Variants in RNF152 observed in about 807,000 individuals in gnomAD.
RNF152 encodes ring finger protein 152.
Under a neutral mutation model 12.7 loss-of-function variants are expected in RNF152, and 11 were observed. The ratio of observed to expected loss-of-function variants is 0.86; its 90% CI spans 0.54 to 1.43. RNF152 has a LOEUF of 1.43. RNF152 is among the 40% of genes most tolerant of loss of function. The pLI is 0.00. For missense variants in RNF152, 255 were observed against 274.8 expected (o/e 0.93, Z 0.51); for synonymous variants, 113 against 120.3 (o/e 0.94, Z 0.40).
intron 1 of RNF152, among the ~76,000 whole-genome samples, chr18:61,869,200 T>G (rs2144733044): frequency 6.6e-6 from 1 of 152,196 alleles, no homozygotes; most frequent in Admixed American, 6.5e-5. Context: ...ATTAGTAAAA[T>G]CCAAAGAAAT....
intron 1 of RNF152, among the ~76,000 whole-genome samples, chr18:61,827,632 C>T (rs905434649): frequency 6.6e-6 from 1 of 152,160 alleles, no homozygotes; most frequent in East Asian, 1.9e-4. Flanking sequence ...GAAAGCCATT[C>T]ATAACATTAT....
chr18:61,816,607 G>A lies in RNF152; in HGVS notation c.-135-9C>T. 1.3e-6 allele frequency: 1 copy of A among 765,172 alleles called. No individual in the cohort carries two copies. Among genetic ancestry groups the A allele is most frequent in the Non-Finnish European group, 2.1e-6 (1 of 467,014 alleles). 47.4% of individuals were successfully genotyped at this position (765,172 alleles called of 1,614,324 possible). ...CACAGGTGTGTTCATTTCTGAGAGA[G>A]ACAAATAATGCAAACAATCTTAATT... On this transcript the variant is annotated splice_polypyrimidine_tract_variant and intron_variant, in intron 1 of 1. Coordinates refer to ENST00000312828, the MANE Select transcript of RNF152 (RefSeq NM_173557.3).
intron 1 of RNF152, among the ~76,000 whole-genome samples, chr18:61,821,967 T>TTGGGGACTGCTGC: frequency 6.6e-6 from 1 of 152,316 alleles, no homozygotes; most frequent in East Asian, 1.9e-4. Context: ...GCCAAAAATG[T>TTGGGGACTGCTGC]TGGGGACTGC....
At chr18:61,891,412 T>G (rs1490195032) in intron 1 of RNF152, among the ~76,000 whole-genome samples, 1 of 148,706 alleles carries the variant, frequency 6.7e-6, no homozygotes, top group Non-Finnish European at 1.5e-5. Context: ...GAATTTTGTG[T>G]GCGAAGTGTT....
rs894761374 is a variant in RNF152 at position 61,881,754 on chromosome 18, A to G, written c.-136+11041T>C. ...CCCCCAAGAGAATGTTATTTTAAGG[A>G]GCACAAAGAGAGGGTTTAGCATCTC... On this transcript the variant is annotated intron_variant, in intron 1 of 1. Coordinates refer to ENST00000312828, the MANE Select transcript of RNF152 (RefSeq NM_173557.3). Among the ~76,000 whole-genome samples, 11 of 152,220 alleles carry G rather than the reference A, an allele frequency of 7.2e-5. 1 individual carries two copies. The highest frequency in any genetic ancestry group is 6.3e-3 in the Middle Eastern group (2 of 316).
intron 1 of RNF152, among the ~76,000 whole-genome samples, chr18:61,864,836 T>G (rs142300480): frequency 6.6e-6 from 1 of 152,128 alleles, no homozygotes; most frequent in East Asian, 1.9e-4. Context: ...CTGGCTAACA[T>G]GGTGAAACCC....
Position 61,846,208 on chromosome 18 carries a change from C to T in RNF152, c.-135-29610G>A, listed in dbSNP as rs534857338. 2.0e-5 allele frequency among the ~76,000 whole-genome samples: 3 copies of T among 152,296 alleles called. No homozygotes were observed. The South Asian group carries it at 6.2e-4, about 32-fold the overall frequency. On this transcript the variant is annotated intron_variant, in intron 1 of 1. Coordinates refer to ENST00000312828, the MANE Select transcript of RNF152 (RefSeq NM_173557.3). ...GATACACACTTCATAATTCTCAACCCAAACACTCTCTCTTGTTCTTGCCTT... is the reference window on the plus strand; with the variant it reads ...GATACACACTTCATAATTCTCAACCTAAACACTCTCTCTTGTTCTTGCCTT...
chr18:61,826,433 C>T (rs1456505717), intron 1 of RNF152, among the ~76,000 whole-genome samples: 2 of 152,124 alleles, frequency 1.3e-5, no homozygotes, highest in African/African-American at 4.8e-5. Flanking sequence ...CCTAAAAACC[C>T]ATTTGTCTTT....
chr18:61,819,565 G>GA (rs1282392830), intron 1 of RNF152, among the ~76,000 whole-genome samples: 1 of 152,208 alleles, frequency 6.6e-6, no homozygotes, highest in African/African-American at 2.4e-5. Context: ...GTATTGCAAT[G>GA]AGGTTGTACA....
At chr18:61,867,234 T>G (rs914729523) in intron 1 of RNF152, among the ~76,000 whole-genome samples, 1 of 152,124 alleles carries the variant, frequency 6.6e-6, no homozygotes, top group African/African-American at 2.4e-5. Flanking sequence ...GTGGATCAAT[T>G]GAGGTCAGGA....
In RNF152 at chr18:61,808,678, T is replaced by G. The variant is rs1275875626; in HGVS notation, c.*7174A>C. ...AGGCAAACACAAACAAGTGGTGAAA[T>G]GAAAAAATATATGACGGCAACCAGG... On this transcript the variant is annotated 3_prime_UTR_variant, in exon 2 of 2. Coordinates refer to ENST00000312828, the MANE Select transcript of RNF152 (RefSeq NM_173557.3). 1.3e-5 allele frequency: 2 copies of G among 151,962 alleles called. No individual in the cohort carries two copies. The highest frequency in any genetic ancestry group is 1.3e-4 in the Admixed American group (2 of 15,254). 9.4% of individuals were successfully genotyped at this position (151,962 alleles called of 1,614,324 possible).
rs56397865 is a variant in RNF152, at chr18:61,809,856, G to GAAAAAAAAAAAAAA, written c.*5982_*5995dup. 4.0e-5 allele frequency: 4 copies of GAAAAAAAAAAAAAA among 100,836 alleles called. 2 individuals carry two copies. The highest frequency in any genetic ancestry group is 7.4e-5 in the African/African-American group (2 of 27,002). 6.2% of individuals were successfully genotyped at this position (100,836 alleles called of 1,614,324 possible). On this transcript the variant is annotated 3_prime_UTR_variant, in exon 2 of 2. Transcript: ENST00000312828. Reference sequence around the variant, plus strand: ...TGGGATACCCCAGGCAGTGAATCCTGAAAAAAAAAAAAAAAAAAAAAGTCA... The same window carrying GAAAAAAAAAAAAAA: ...TGGGATACCCCAGGCAGTGAATCCTGAAAAAAAAAAAAAAAAAAAAAAAAAAAAAAAAAAAGTCA...
chr18:61,854,911 AG>A (rs1177206680), intron 1 of RNF152, among the ~76,000 whole-genome samples: 3 of 152,262 alleles, frequency 2.0e-5, no homozygotes, highest in Non-Finnish European at 4.4e-5. Flanking sequence ...AATAGCAGCA[AG>A]TTACATGATT....
intron 1 of RNF152, among the ~76,000 whole-genome samples, chr18:61,824,089 T>C (rs904285206): frequency 2.0e-5 from 3 of 152,250 alleles, no homozygotes; most frequent in Non-Finnish European, 2.9e-5. Context: ...TCAAAGTATA[T>C]TGGAATCTAG....
upstream of RNF152, chr18:61,893,904 G>C (rs1421468954): frequency 6.6e-6 from 1 of 152,398 alleles, no homozygotes; most frequent in African/African-American, 2.4e-5. Flanking sequence ...CAGGAGACAC[G>C]CAACTCCCGG....
chr18:61,849,679 A>G (rs1235457764), intron 1 of RNF152, among the ~76,000 whole-genome samples: 1 of 152,220 alleles, frequency 6.6e-6, no homozygotes, highest in Non-Finnish European at 1.5e-5. Context: ...GAAAGCATGT[A>G]ATTGTATGGA....
intron 1 of RNF152, among the ~76,000 whole-genome samples, chr18:61,865,344 A>G (rs1911679115): frequency 6.6e-6 from 1 of 152,222 alleles, no homozygotes; most frequent in South Asian, 2.1e-4. Context: ...ACTTATTTCA[A>G]AATGAATTAG....
intron 1 of RNF152, among the ~76,000 whole-genome samples, chr18:61,866,548 C>T (rs9789123): frequency 0.094 from 14,371 of 152,220 alleles, 995 homozygotes; most frequent in East Asian, 0.4. Context: ...AGGGCCTACG[C>T]ATCCTTTGGT....
intron 1 of RNF152, among the ~76,000 whole-genome samples, chr18:61,861,376 G>C (rs923067673): frequency 1.3e-5 from 2 of 152,174 alleles, no homozygotes; most frequent in Admixed American, 6.5e-5. Context: ...GCAGTATTCA[G>C]TATAATAATA....
Sources: gnomAD v4.1 joint callset for allele counts (sites outside exome capture counted in the v4.1 genomes callset) on GRCh38, gnomAD v4.1.1 for gene constraint, MANE v1.5 for transcripts, NCBI Gene and HGNC (gene_info 2026-07-23, HGNC 2026-07-21) for gene names.